The following UGT8 variants were observed in gnomAD, a reference collection of about 807,000 sequenced individuals.
The protein encoded by UGT8 is 2-hydroxyacylsphingosine 1-beta-galactosyltransferase.
UGT8 carries 12 observed loss-of-function variants against 40.5 expected under a neutral mutation model. That is an observed-to-expected ratio of 0.30 (90% CI 0.19 to 0.48). UGT8 has a LOEUF of 0.48. UGT8 is among the 20% of genes least tolerant of loss of function. The probability of loss-of-function intolerance (pLI) is 0.99; values close to 1 mark genes in which losing one functional copy is unlikely to be tolerated. For synonymous variants in UGT8, 224 were observed against 240.4 expected (o/e 0.93, Z 0.63); for missense variants, 513 against 648.7 (o/e 0.79, Z 2.27).
At chr4:114,639,700 A>G (rs925851132) in intron 2 of UGT8, among the ~76,000 whole-genome samples, 4 of 152,234 alleles carry the variant, frequency 2.6e-5, no homozygotes, top group African/African-American at 9.6e-5. Context: ...TACTATTACT[A>G]GTTTTAAGTC....
chr4:114,612,295 T>C (rs1315872521), intron 1 of UGT8, among the ~76,000 whole-genome samples: 1 of 152,180 alleles, frequency 6.6e-6, no homozygotes, highest in Admixed American at 6.5e-5. Flanking sequence ...GCCTAGATTT[T>C]CTTAATTTTT....
chr4:114,617,011 G>T (rs1731484691), intron 1 of UGT8, among the ~76,000 whole-genome samples: 1 of 152,000 alleles, frequency 6.6e-6, no homozygotes, highest in Admixed American at 6.5e-5. Flanking sequence ...CCAGCACTTT[G>T]GTAGGCTGAG....
At chr4:114,603,606 T>G (rs1489792643) in intron 1 of UGT8, among the ~76,000 whole-genome samples, 1 of 151,942 alleles carries the variant, frequency 6.6e-6, no homozygotes, top group Non-Finnish European at 1.5e-5. Flanking sequence ...AGTGAGAAGG[T>G]CAGGTACTGA....
chr4:114,614,489 A>G (rs1311652182), intron 1 of UGT8, among the ~76,000 whole-genome samples: 2 of 152,146 alleles, frequency 1.3e-5, no homozygotes, highest in African/African-American at 4.8e-5. Context: ...CTTTTAAATG[A>G]GTTTGTTATC....
Position 114,622,874 on chromosome 4 carries a change from T to C in UGT8, c.-2-5T>C. 1 of 1,593,260 alleles carries C rather than the reference T, an allele frequency of 6.3e-7. No individual in the cohort carries two copies. On this transcript the variant is annotated splice_region_variant and splice_polypyrimidine_tract_variant and intron_variant, in intron 1 of 5. Transcript: ENST00000310836. ...TTTTAAGTTGTTTTCTGGTTGTTAT[T>C]ACAGCTATGAAGTCTTACACTCCAT...
chr4:114,671,554 T>C (rs1308481924), intron 5 of UGT8, among the ~76,000 whole-genome samples: 1 of 152,142 alleles, frequency 6.6e-6, no homozygotes, highest in African/African-American at 2.4e-5. Context: ...TCTACAAACC[T>C]GCCAAAAACA....
At chr4:114,668,529 C>T (rs1054185060) in intron 5 of UGT8, among the ~76,000 whole-genome samples, 1 of 152,142 alleles carries the variant, frequency 6.6e-6, no homozygotes, top group African/African-American at 2.4e-5. Context: ...AAGGATCTTC[C>T]AAACAGGGAG....
chr4:114,615,636 A>G (rs1731362554), intron 1 of UGT8, among the ~76,000 whole-genome samples: 1 of 152,192 alleles, frequency 6.6e-6, no homozygotes, highest in Admixed American at 6.5e-5. Context: ...TTTCTGGTTT[A>G]TAATTCTGCC....
intron 2 of UGT8, among the ~76,000 whole-genome samples, chr4:114,656,518 T>C (rs1734196224): frequency 6.6e-6 from 1 of 152,178 alleles, no homozygotes; most frequent in African/African-American, 2.4e-5. Context: ...TTCAAAGACT[T>C]AGATTACTAT....
At chr4:114,673,383 A>G (rs916498736) in intron 5 of UGT8, among the ~76,000 whole-genome samples, 2 of 152,228 alleles carry the variant, frequency 1.3e-5, no homozygotes, top group Non-Finnish European at 2.9e-5. Flanking sequence ...ATAGTCATAC[A>G]AAATGAAATC....
At chr4:114,637,611 A>G (rs1732965274) in intron 2 of UGT8, among the ~76,000 whole-genome samples, 1 of 152,206 alleles carries the variant, frequency 6.6e-6, no homozygotes, top group South Asian at 2.1e-4. Flanking sequence ...AGCTAGAAAG[A>G]AAGTCACAAA....
At chr4:114,639,201 C>A (rs534512357) in intron 2 of UGT8, among the ~76,000 whole-genome samples, 1 of 152,288 alleles carries the variant, frequency 6.6e-6, no homozygotes, top group Admixed American at 6.5e-5. Context: ...GAATAGCAGT[C>A]TCTGACTCTC....
chr4:114,623,483 C>T lies in UGT8; in HGVS notation c.603C>T (p.Leu201=). Residue 201 remains leucine, a synonymous_variant, in exon 2 of 6, where the codon CTC becomes CTT. Transcript: ENST00000310836. ...GGATGAAAAATACCGGTGTTTACCT[C>T]ATTTCCAGATTAGGGGTCAGCTTTC... ...LQRMKNTGVY[L]ISRLGVSFLV... The T allele has an allele frequency of 2.5e-6, 4 of 1,614,174 alleles. No individual in the cohort carries two copies.
At chr4:114,630,639 A>AT (rs1170965102) in intron 2 of UGT8, among the ~76,000 whole-genome samples, 130 of 144,882 alleles carry the variant, frequency 9.0e-4, no homozygotes, top group Middle Eastern at 3.6e-3. Flanking sequence ...CATCTTGGGG[A>AT]TTTTTTTTTT....
chr4:114,655,319 TGG>T (rs1734118037), intron 2 of UGT8, among the ~76,000 whole-genome samples: 1 of 152,030 alleles, frequency 6.6e-6, no homozygotes. Flanking sequence ...TTGCAGACCA[TGG>T]ATGCATCTGT....
At chr4:114,623,841 A>G in intron 2 of UGT8, 139 bp downstream of exon 2, 1 of 1,206,766 alleles carries the variant, frequency 8.3e-7, no homozygotes, top group Non-Finnish European at 1.1e-6. Context: ...GGGGCCTCCA[A>G]AGTCCCTTTA....
chr4:114,660,177 T>C (rs570069148), intron 2 of UGT8, among the ~76,000 whole-genome samples: 9 of 152,166 alleles, frequency 5.9e-5, no homozygotes, highest in Middle Eastern at 3.4e-3. Context: ...CCAGAGGCCA[T>C]TTAAAAAAAG....
At chr4:114,660,373 A>G (rs1043604834) in intron 2 of UGT8, among the ~76,000 whole-genome samples, 6 of 152,102 alleles carry the variant, frequency 3.9e-5, no homozygotes, top group African/African-American at 1.2e-4. Context: ...AAACAATTTG[A>G]ATTTGTTTCT....
chr4:114,653,301 T>C (rs1324493055), intron 2 of UGT8, among the ~76,000 whole-genome samples: 3 of 152,146 alleles, frequency 2.0e-5, no homozygotes, highest in Non-Finnish European at 4.4e-5. Flanking sequence ...AATATGACCT[T>C]ATTGCATATT....
Sources: allele counts gnomAD v4.1 joint callset (sites outside exome capture counted in the v4.1 genomes callset), GRCh38; gene constraint gnomAD v4.1.1; transcripts MANE v1.5; gene names NCBI Gene and HGNC (gene_info 2026-07-23, HGNC 2026-07-21).